Variants in CSMD1 observed in about 807,000 individuals in gnomAD.
The protein encoded by CSMD1 is CUB and Sushi multiple domains 1, also known as CUB and sushi domain-containing protein 1.
In CSMD1, 213 loss-of-function variants were observed where a neutral mutation model predicts 417.5. That is an observed-to-expected ratio of 0.51 (90% CI 0.46 to 0.57). The LOEUF is 0.57. Ranked by LOEUF, CSMD1 falls within the 20% of genes least tolerant of loss-of-function variation. The pLI, the probability that CSMD1 is intolerant of heterozygous loss-of-function variation, is 0.00. For synonymous variants in CSMD1, 2,862 were observed against 1,736.8 expected (o/e 1.65, Z -16.11); for missense variants, 6,923 against 4,529.7 (o/e 1.53, Z -15.17).
At chr8:4,640,726 C>G (rs1803134006) in intron 1 of CSMD1, among the ~76,000 whole-genome samples, 1 of 152,014 alleles carries the variant, frequency 6.6e-6, no homozygotes, top group African/African-American at 2.4e-5. Context: ...TGTTGTTTAA[C>G]ATGAATCCCT....
At chr8:3,475,748 G>C (rs776874767) in intron 11 of CSMD1, among the ~76,000 whole-genome samples, 8 of 152,192 alleles carry the variant, frequency 5.3e-5, no homozygotes, top group Non-Finnish European at 7.3e-5. Flanking sequence ...CCAATTTCAA[G>C]TATGTGAAGC....
At chr8:3,612,463 G>C (rs1474819566) in intron 8 of CSMD1, among the ~76,000 whole-genome samples, 1 of 152,046 alleles carries the variant, frequency 6.6e-6, no homozygotes, top group Non-Finnish European at 1.5e-5. Context: ...TGATCTAACT[G>C]ACATTTATGG....
chr8:4,574,877 T>A (rs557668703), intron 2 of CSMD1, among the ~76,000 whole-genome samples: 1 of 152,336 alleles, frequency 6.6e-6, no homozygotes, highest in Admixed American at 6.5e-5. Context: ...TTAATTTAAA[T>A]AGACTTTCTT....
chr8:3,045,511 G>T (rs1019180331), intron 50 of CSMD1, among the ~76,000 whole-genome samples: 1 of 152,178 alleles, frequency 6.6e-6, no homozygotes, highest in Non-Finnish European at 1.5e-5. Flanking sequence ...CCTTATTCCT[G>T]ATTTTTCCAG....
At chr8:3,678,903 A>G (rs1009546067) in intron 7 of CSMD1, among the ~76,000 whole-genome samples, 3 of 152,152 alleles carry the variant, frequency 2.0e-5, no homozygotes, top group African/African-American at 7.2e-5. Flanking sequence ...AAAGAAAACA[A>G]TTTTCAACCC....
intron 54 of CSMD1, among the ~76,000 whole-genome samples, chr8:2,991,868 G>A (rs926078684): frequency 2.6e-5 from 4 of 152,172 alleles, no homozygotes; most frequent in African/African-American, 9.7e-5. Flanking sequence ...TTACAAAGAA[G>A]CAGTGGGTAC....
At chr8:3,541,500 C>T (rs1246370342) in intron 10 of CSMD1, among the ~76,000 whole-genome samples, 3 of 151,376 alleles carry the variant, frequency 2.0e-5, no homozygotes, top group Non-Finnish European at 4.4e-5. Flanking sequence ...AACAAATCTG[C>T]ACCTCCTGCA....
intron 2 of CSMD1, among the ~76,000 whole-genome samples, chr8:4,507,530 A>T (rs1001639442): frequency 6.6e-6 from 1 of 152,202 alleles, no homozygotes; most frequent in Non-Finnish European, 1.5e-5. Context: ...TAGGGGAGAA[A>T]ATGACATAGA....
intron 2 of CSMD1, among the ~76,000 whole-genome samples, chr8:4,477,908 T>G (rs114341103): frequency 6.6e-6 from 1 of 152,238 alleles, no homozygotes; most frequent in Non-Finnish European, 1.5e-5. Context: ...CAAAACCTGA[T>G]ACCTGATCAA....
At chr8:3,653,588 T>G (rs1382568882) in intron 7 of CSMD1, among the ~76,000 whole-genome samples, 1 of 152,242 alleles carries the variant, frequency 6.6e-6, no homozygotes, top group Non-Finnish European at 1.5e-5. Flanking sequence ...GGATTTCAGG[T>G]GTGAGCCACC....
At chr8:3,237,699 T>C (rs1489181014) in intron 26 of CSMD1, among the ~76,000 whole-genome samples, 2 of 143,072 alleles carry the variant, frequency 1.4e-5, no homozygotes, top group African/African-American at 5.0e-5. Context: ...ATACTACAAA[T>C]ATAATTTTTA....
rs149579216 is a variant in CSMD1, at chr8:4,237,916, G to T, written c.415+182037C>A. Among the ~76,000 whole-genome samples the T allele has an allele frequency of 6.2e-4, 95 of 152,248 alleles. No individual in the cohort carries two copies. In the East Asian group the frequency reaches 0.018, roughly 29 times the overall value. On this transcript the variant is annotated intron_variant, in intron 3 of 69. Transcript: ENST00000635120. ...GTCTATCTAAATAATAAAATGTGAA[G>T]CTTTCCTCTCACTGGCGGAGAAGCA...
intron 25 of CSMD1, among the ~76,000 whole-genome samples, chr8:3,289,382 G>C (rs528921162): frequency 6.8e-6 from 1 of 147,418 alleles, no homozygotes; most frequent in South Asian, 2.1e-4. Context: ...TCTAGTTCTA[G>C]ATCCCTGAGG....
intron 2 of CSMD1, among the ~76,000 whole-genome samples, chr8:4,632,868 G>C (rs1802606197): frequency 6.6e-6 from 1 of 152,216 alleles, no homozygotes; most frequent in Non-Finnish European, 1.5e-5. Context: ...CCGGGAATAA[G>C]AGGACAACAT....
chr8:4,627,221 C>A (rs554895721), intron 2 of CSMD1, among the ~76,000 whole-genome samples: 21 of 152,224 alleles, frequency 1.4e-4, no homozygotes, highest in African/African-American at 4.6e-4. Context: ...CAGCAACAGA[C>A]TTTGCTGTCC....
intron 5 of CSMD1, among the ~76,000 whole-genome samples, chr8:3,892,154 A>G (rs1167906036): frequency 2.6e-5 from 4 of 152,186 alleles, no homozygotes; most frequent in African/African-American, 9.6e-5. Flanking sequence ...GAAAGGTAAC[A>G]GCCCCAAATA....
At chr8:4,674,269 T>A (rs941720837) in intron 1 of CSMD1, among the ~76,000 whole-genome samples, 1 of 152,092 alleles carries the variant, frequency 6.6e-6, no homozygotes, top group Non-Finnish European at 1.5e-5. Context: ...GGAGGTTATG[T>A]TGAGTCTGGC....
chr8:3,611,562 G>C (rs573058826), intron 8 of CSMD1, among the ~76,000 whole-genome samples: 10 of 152,044 alleles, frequency 6.6e-5, no homozygotes, highest in Admixed American at 3.3e-4. Flanking sequence ...CAAAGTTAAA[G>C]TTTTCTAATT....
intron 1 of CSMD1, among the ~76,000 whole-genome samples, chr8:4,661,380 C>A (rs577113860): frequency 2.0e-5 from 3 of 152,218 alleles, no homozygotes; most frequent in Non-Finnish European, 4.4e-5. Flanking sequence ...GTATACAAAG[C>A]CAATCCTCAA....
Sources: allele counts gnomAD v4.1 joint callset (sites outside exome capture counted in the v4.1 genomes callset), GRCh38; gene constraint gnomAD v4.1.1; transcripts MANE v1.5; gene names NCBI Gene and HGNC (gene_info 2026-07-23, HGNC 2026-07-21).